The following PLK4 variants were observed in gnomAD, a reference collection of about 807,000 sequenced individuals.
PLK4 encodes serine/threonine-protein kinase PLK4.
A neutral mutation model predicts 103.0 loss-of-function variants in PLK4; 51 were observed. The ratio of observed to expected loss-of-function variants is 0.50; its 90% CI spans 0.40 to 0.63. The LOEUF (loss-of-function observed/expected upper bound fraction) is 0.63, where lower values mean the gene tolerates loss of function less well. Ranked by LOEUF, PLK4 falls within the 20% of genes least tolerant of loss-of-function variation. The pLI is 0.00. For synonymous variants in PLK4, 389 were observed against 376.8 expected (o/e 1.03, Z -0.38); for missense variants, 1,054 against 1,151.0 (o/e 0.92, Z 1.22).
intron 5 of PLK4, among the ~76,000 whole-genome samples, chr4:127,886,966 T>G (rs1183332970): frequency 6.6e-6 from 1 of 152,102 alleles, no homozygotes; most frequent in African/African-American, 2.4e-5. Context: ...TTATATGGAG[T>G]GAGTCTCCAG....
At chr4:127,881,742 C>G in intron 1 of PLK4, 89 bp from the exon 2 acceptor site, 2 of 801,720 alleles carry the variant, frequency 2.5e-6, no homozygotes, top group Non-Finnish European at 4.2e-6. Context: ...ATTCCCCACT[C>G]GATCCATTTT....
At chr4:127,892,598 C>A in intron 10 of PLK4, 84 bp downstream of exon 10, 2 of 1,061,602 alleles carry the variant, frequency 1.9e-6, no homozygotes, top group Non-Finnish European at 2.8e-6. Context: ...AAATTCAACA[C>A]AGTCAGTTTT....
intron 6 of PLK4, among the ~76,000 whole-genome samples, chr4:127,887,736 G>A (rs967349546): frequency 1.3e-5 from 2 of 151,714 alleles, no homozygotes; most frequent in Non-Finnish European, 2.9e-5. Context: ...TTAGTTGAGT[G>A]TGGTGGCATG....
intron 14 of PLK4, among the ~76,000 whole-genome samples, chr4:127,896,124 G>A (rs1735557794): frequency 6.6e-6 from 1 of 152,086 alleles, no homozygotes. Flanking sequence ...CACATACTTT[G>A]TCTAGTTTAT....
At chr4:127,893,949 A>G (rs903349319) in intron 13 of PLK4, 68 bp downstream of exon 13, 23 of 877,956 alleles carry the variant, frequency 2.6e-5, no homozygotes, top group Non-Finnish European at 3.9e-5. Context: ...TTCTTGTAAA[A>G]TAGTTTATTG....
rs1735146595 is a variant in PLK4, at chr4:127,886,655, A to G, written c.1285A>G (p.Ile429Val). ...RYSPTDNNAN[I>V]FNFFKEKTSS... ...CTCACCCACAGACAACAATGCCAACATTTTTAACTTCTTTAAAGAAAAGAC... is the reference window on the plus strand; with the variant it reads ...CTCACCCACAGACAACAATGCCAACGTTTTTAACTTCTTTAAAGAAAAGAC... Residue 429 changes from isoleucine to valine, a missense_variant, in exon 5 of 16, where the codon ATT becomes GTT. Ile to Val is a conservative substitution (Grantham distance 29). This residue lies in a region of PLK4 where 680 missense variants were observed against 660.3 expected (regional missense o/e 1.03). Transcript: ENST00000270861. The G allele has an allele frequency of 1.9e-6, 3 of 1,613,438 alleles. No individual in the cohort carries two copies. Among genetic ancestry groups the G allele is most frequent in the Non-Finnish European group, 2.5e-6 (3 of 1,179,580 alleles).
intron 9 of PLK4, chr4:127,892,132 T>C (rs1218164237): frequency 3.0e-6 from 1 of 332,696 alleles, no homozygotes; most frequent in African/African-American, 2.2e-5. Context: ...TCAGTGCTGC[T>C]ACATAAATGA....
chr4:127,884,379 G>A (rs1214045804), intron 4 of PLK4, among the ~76,000 whole-genome samples: 2 of 152,092 alleles, frequency 1.3e-5, no homozygotes, highest in Non-Finnish European at 2.9e-5. Context: ...TTAGAGTTAC[G>A]GAAATATTTA....
At chr4:127,893,094 T>C in intron 10 of PLK4, 191 bp from the exon 11 acceptor site, 1 of 437,294 alleles carries the variant, frequency 2.3e-6, no homozygotes, top group Non-Finnish European at 4.0e-6. Flanking sequence ...AAACCAGATA[T>C]ATGTTGGGAA....
chr4:127,881,823 C>T lies in PLK4; in HGVS notation c.31-8C>T, dbSNP rs201317964. 3.9e-6 allele frequency: 6 copies of T among 1,527,778 alleles called. No homozygotes were observed. Among genetic ancestry groups the T allele is most frequent in the East Asian group, 4.5e-5 (2 of 44,498 alleles). The allele number at this position is 1,527,778 out of a possible 1,614,324, so 94.6% of individuals were successfully genotyped here. ...CATCACACATAATCTTTAATTTTAA[C>T]TTTTAAGGATTTTAAAGTTGGAAAT... On this transcript the variant is annotated splice_polypyrimidine_tract_variant and splice_region_variant and intron_variant, in intron 1 of 15. Coordinates refer to ENST00000270861, the MANE Select transcript of PLK4 (RefSeq NM_014264.5).
At chr4:127,891,232 A>G (rs1735346610) in intron 8 of PLK4, 36 bp downstream of exon 8, 1 of 1,057,232 alleles carries the variant, frequency 9.5e-7, no homozygotes, top group African/African-American at 1.6e-5. Context: ...TGCAACTTCA[A>G]ATTATCGTTT....
intron 1 of PLK4, 129 bp from the exon 2 acceptor site, chr4:127,881,702 G>C (rs1279504363): frequency 4.6e-6 from 3 of 650,848 alleles, no homozygotes; most frequent in Non-Finnish European, 8.2e-6. Flanking sequence ...CTGCTGCATC[G>C]AGGTGTAATA....
chr4:127,881,385 G>T (rs764258567), intron 1 of PLK4: 38 of 1,425,400 alleles, frequency 2.7e-5, no homozygotes, highest in Non-Finnish European at 3.4e-5. Flanking sequence ...GTCCCTCCCC[G>T]CCCGGCAGTG....
intron 15 of PLK4, among the ~76,000 whole-genome samples, chr4:127,897,824 C>CTTTTGTTTT (rs1735626971): frequency 3.5e-5 from 1 of 28,802 alleles, no homozygotes; most frequent in Non-Finnish European, 6.4e-5. Flanking sequence ...AGAATTAGGG[C>CTTTTGTTTT]TTTTTTTTTT....
At chr4:127,896,645 TAG>T (rs969417223) in intron 14 of PLK4, among the ~76,000 whole-genome samples, 154 bp from the exon 15 acceptor site, 1 of 152,168 alleles carries the variant, frequency 6.6e-6, no homozygotes, top group African/African-American at 2.4e-5. Flanking sequence ...TGTAGTCACT[TAG>T]AGAGTTTTTT....
At chr4:127,897,201 C>T (rs1735602581) in intron 15 of PLK4, among the ~76,000 whole-genome samples, 1 of 152,070 alleles carries the variant, frequency 6.6e-6, no homozygotes, top group Admixed American at 6.6e-5. Flanking sequence ...TAAGGGACTC[C>T]TAATTCTAGG....
rs574379856 is a variant in PLK4, at chr4:127,886,368, A to C, written c.998A>C (p.Asp333Ala). 65 of 1,613,770 alleles carry C rather than the reference A, an allele frequency of 4.0e-5. 2 individuals are homozygous for C. In the South Asian group the frequency reaches 6.9e-4, roughly 17 times the overall value. ...TVFPKNKSST[D>A]FSSSGDGNSF... ...TTTCCAAAGAATAAAAGTTCAACTG[A>C]TTTTTCTTCTTCAGGAGATGGAAAC... is the stretch of plus-strand genomic sequence containing the variant. The change falls in exon 5 of 16, where the codon GAT becomes GCT. Residue 333 changes from aspartate to alanine, a missense_variant. This residue lies in a region of PLK4 where 680 missense variants were observed against 660.3 expected (regional missense o/e 1.03). Transcript: ENST00000270861.
chr4:127,892,192 A>G (rs1481597404), intron 9 of PLK4, 173 bp from the exon 10 acceptor site: 6 of 417,318 alleles, frequency 1.4e-5, no homozygotes, highest in Non-Finnish European at 2.1e-5. Flanking sequence ...TGGTTTCTGG[A>G]TATTATGGAC....
At chr4:127,896,241 CAG>C (rs886068233) in intron 14 of PLK4, among the ~76,000 whole-genome samples, 74 of 152,216 alleles carry the variant, frequency 4.9e-4, no homozygotes, top group African/African-American at 1.6e-3. Context: ...CTTAAGTTGG[CAG>C]AGTCTAGATG....
Sources: gnomAD v4.1 joint callset for allele counts (sites outside exome capture counted in the v4.1 genomes callset) on GRCh38, gnomAD v4.1.1 for gene constraint, gnomAD v4.1.1 regional missense constraint, MANE v1.5 for transcripts, NCBI Gene and HGNC (gene_info 2026-07-23, HGNC 2026-07-21) for gene names.